KCNJ12: variants seen among roughly 807,000 people sequenced by gnomAD.
KCNJ12 encodes potassium inwardly rectifying channel subfamily J member 12.
Under a neutral mutation model 22.3 loss-of-function variants are expected in KCNJ12, and 2 were observed. The ratio of observed to expected loss-of-function variants is 0.09; its 90% CI spans 0.04 to 0.28. The LOEUF (loss-of-function observed/expected upper bound fraction) is 0.28. Among genes scored for constraint, KCNJ12 ranks in the 10% least tolerant of loss-of-function variants. KCNJ12 has a pLI of 1.00. For missense variants in KCNJ12, 155 were observed against 633.3 expected, an observed-to-expected ratio of 0.24 and a Z score of 8.11; for synonymous variants, 117 against 261.4, an observed-to-expected ratio of 0.45 and a Z score of 5.33.
intron 1 of KCNJ12, among the ~76,000 whole-genome samples, chr17:21,383,136 G>A (rs1306663235): frequency 2.0e-5 from 3 of 152,344 alleles, no homozygotes; most frequent in African/African-American, 4.8e-5. Flanking sequence ...TGAAAGGCCG[G>A]GGGCAGGAGA....
intron 1 of KCNJ12, among the ~76,000 whole-genome samples, chr17:21,390,569 AG>A (rs1239651854): frequency 6.6e-6 from 1 of 152,012 alleles, no homozygotes; most frequent in African/African-American, 2.4e-5. Context: ...AGGGATGGGG[AG>A]GGGGAGCAAT....
chr17:21,391,243 G>A (rs780228775), intron 1 of KCNJ12, among the ~76,000 whole-genome samples: 11 of 152,246 alleles, frequency 7.2e-5, no homozygotes, highest in Non-Finnish European at 1.3e-4. Flanking sequence ...CGGTGCTGCC[G>A]TGGACATGGA....
intron 1 of KCNJ12, among the ~76,000 whole-genome samples, chr17:21,387,208 C>T (rs1555558769): frequency 2.6e-5 from 4 of 151,252 alleles, no homozygotes; most frequent in Non-Finnish European, 5.9e-5. Context: ...TTTGGGAGGC[C>T]GAGGTGGGCA....
chr17:21,416,272 C>G lies in KCNJ12; in HGVS notation c.930C>G (p.Thr310=), dbSNP rs548667759. 6 of 1,606,008 alleles carry G rather than the reference C, an allele frequency of 3.7e-6. No individual in the cohort carries two copies. The East Asian group carries it at 1.3e-4, about 36-fold the overall frequency. ...TGGTGGAGGCCACAGCCATGACCAC[C>G]CAGGCCCGCAGCTCCTACCTGGCCA... is the stretch of plus-strand genomic sequence containing the variant. ...EGMVEATAMT[T]QARSSYLANE... is the part of the protein sequence containing the mutation. The change falls in exon 3 of 3, where the codon ACC becomes ACG. Residue 310 remains threonine (T), a synonymous_variant. Coordinates refer to ENST00000583088, the MANE Select transcript of KCNJ12 (RefSeq NM_021012.5).
At position 21,404,880 on chromosome 17, in the gene KCNJ12, C is replaced by T. The variant is rs1452794793; in HGVS notation, c.-178-3639C>T. On this transcript the variant is annotated intron_variant, in intron 1 of 2. Transcript: ENST00000583088. Reference sequence around the variant, plus strand: ...TGGGGCCAGAACCTTCTGACCTGGCCTCACCTCAGGGCTTAAGGGTGGACG... The same window carrying T: ...TGGGGCCAGAACCTTCTGACCTGGCTTCACCTCAGGGCTTAAGGGTGGACG... 2.6e-5 allele frequency among the ~76,000 whole-genome samples: 4 copies of T among 152,282 alleles called. No individual in the cohort carries two copies. The East Asian group carries it at 5.8e-4, about 22-fold the overall frequency.
chr17:21,390,888 C>T (rs1555559243), intron 1 of KCNJ12, among the ~76,000 whole-genome samples: 3 of 152,138 alleles, frequency 2.0e-5, no homozygotes, highest in Non-Finnish European at 4.4e-5. Context: ...TTCACACTGT[C>T]GTGCAGCCAT....
At chr17:21,395,374 C>T (rs1305841419) in intron 1 of KCNJ12, among the ~76,000 whole-genome samples, 1 of 149,026 alleles carries the variant, frequency 6.7e-6, no homozygotes, top group African/African-American at 2.5e-5. Flanking sequence ...GCAGGTGGAT[C>T]ACTCGAGGCC....
chr17:21,401,302 C>T (rs1206422177), intron 1 of KCNJ12, among the ~76,000 whole-genome samples: 2 of 152,242 alleles, frequency 1.3e-5, no homozygotes, highest in Non-Finnish European at 2.9e-5. Flanking sequence ...CCCAGGCCCT[C>T]ACACCTGGCT....
rs1906938840 is a variant in KCNJ12, at chr17:21,417,900, G to C, written c.*1256G>C. The stretch of plus-strand genomic sequence containing the variant: ...GCACAGCCAGGCCCTGGTCAGCGCT[G>C]AATGGCAGAGGAAAGATCTTAGGAA... On this transcript the variant is annotated 3_prime_UTR_variant, in exon 3 of 3. Coordinates refer to ENST00000583088, the MANE Select transcript of KCNJ12 (RefSeq NM_021012.5). 6.0e-6 allele frequency: 1 copy of C among 167,866 alleles called. No individual in the cohort carries two copies. Among genetic ancestry groups the C allele is most frequent in the East Asian group, 1.9e-4 (1 of 5,220 alleles). The allele number at this position is 167,866 out of a possible 1,614,324, so 10.4% of individuals were successfully genotyped here.
intron 1 of KCNJ12, among the ~76,000 whole-genome samples, chr17:21,399,096 TG>T (rs1373111909): frequency 1.3e-5 from 2 of 152,116 alleles, no homozygotes; most frequent in Non-Finnish European, 2.9e-5. Flanking sequence ...CTGCAGATGC[TG>T]GCAGGAGGCT....
chr17:21,403,792 A>G (rs1284957594), intron 1 of KCNJ12, among the ~76,000 whole-genome samples: 1 of 152,304 alleles, frequency 6.6e-6, no homozygotes, highest in African/African-American at 2.4e-5. Context: ...ACCACATGAG[A>G]TAGGTGCTAT....
At chr17:21,383,408 G>C (rs1904952857) in intron 1 of KCNJ12, among the ~76,000 whole-genome samples, 1 of 152,250 alleles carries the variant, frequency 6.6e-6, no homozygotes, top group Non-Finnish European at 1.5e-5. Context: ...GCCGAGGCCA[G>C]AGAGGGTCCA....
chr17:21,393,288 A>C (rs1905254586), intron 1 of KCNJ12, among the ~76,000 whole-genome samples: 1 of 152,110 alleles, frequency 6.6e-6, no homozygotes, highest in South Asian at 2.1e-4. Context: ...TTTGAGCCAC[A>C]GTAGAGGGGT....
intron 1 of KCNJ12, among the ~76,000 whole-genome samples, chr17:21,383,724 G>A (rs553806392): frequency 6.6e-6 from 1 of 152,214 alleles, no homozygotes; most frequent in East Asian, 1.9e-4. Context: ...GGTCCTAGAG[G>A]TCAGGTATTT....
chr17:21,410,491 T>A (rs2142073135), intron 2 of KCNJ12, among the ~76,000 whole-genome samples: 1 of 152,388 alleles, frequency 6.6e-6, no homozygotes, highest in South Asian at 2.1e-4. Context: ...CAGCCTTCCC[T>A]GCATTGAGTG....
chr17:21,383,070 G>A (rs1555558208), intron 1 of KCNJ12, among the ~76,000 whole-genome samples: 1 of 152,198 alleles, frequency 6.6e-6, no homozygotes, highest in Non-Finnish European at 1.5e-5. Flanking sequence ...ACTTGGCAGG[G>A]GAGGGGCCGG....
At chr17:21,378,328 G>T (rs934406705) in intron 1 of KCNJ12, among the ~76,000 whole-genome samples, 14 of 152,224 alleles carry the variant, frequency 9.2e-5, no homozygotes. Context: ...CTTTTTGAGG[G>T]GTACTCCCTT....
At chr17:21,398,675 C>T (rs1355465980) in intron 1 of KCNJ12, among the ~76,000 whole-genome samples, 1 of 152,232 alleles carries the variant, frequency 6.6e-6, no homozygotes, top group Non-Finnish European at 1.5e-5. Flanking sequence ...AAAGTAAACT[C>T]CCTACTCCCA....
At chr17:21,382,372 C>T (rs782492443) in intron 1 of KCNJ12, among the ~76,000 whole-genome samples, 23 of 152,050 alleles carry the variant, frequency 1.5e-4, no homozygotes, top group Non-Finnish European at 2.4e-4. Context: ...GTTTGGAGGG[C>T]GGCTGAGGGG....
Sources: allele counts gnomAD v4.1 joint callset (sites outside exome capture counted in the v4.1 genomes callset), GRCh38; gene constraint gnomAD v4.1.1; transcripts MANE v1.5; gene names NCBI Gene and HGNC (gene_info 2026-07-23, HGNC 2026-07-21).